ARHGAP44: variants seen among roughly 807,000 people sequenced by gnomAD.
ARHGAP44 encodes Rho GTPase activating protein 44, also known as rho GTPase-activating protein 44.
In ARHGAP44, 43 loss-of-function variants were observed where a neutral mutation model predicts 106.8. The ratio of observed to expected loss-of-function variants is 0.40; its 90% CI spans 0.32 to 0.52. The LOEUF (loss-of-function observed/expected upper bound fraction) is 0.52, where lower values mean the gene tolerates loss of function less well. Ranked by LOEUF, ARHGAP44 falls within the 20% of genes least tolerant of loss-of-function variation. ARHGAP44 has a pLI of 0.48. For missense variants in ARHGAP44, 866 were observed against 1,050.5 expected, an observed-to-expected ratio of 0.82 and a Z score of 2.43; for synonymous variants, 439 against 410.3, an observed-to-expected ratio of 1.07 and a Z score of -0.85.
At chr17:12,971,952 ACC>A (rs1490794762) in intron 16 of ARHGAP44, among the ~76,000 whole-genome samples, 1 of 151,996 alleles carries the variant, frequency 6.6e-6, no homozygotes, top group Non-Finnish European at 1.5e-5. Context: ...CCACCATCCC[ACC>A]TTCTGCAACC....
intron 1 of ARHGAP44, among the ~76,000 whole-genome samples, chr17:12,839,924 A>G (rs1038080151): frequency 2.6e-5 from 4 of 152,218 alleles, no homozygotes; most frequent in African/African-American, 9.6e-5. Context: ...TAAAAAGAGA[A>G]AGAAATAACC....
chr17:12,936,268 T>C (rs906469465), intron 7 of ARHGAP44, among the ~76,000 whole-genome samples: 9 of 152,208 alleles, frequency 5.9e-5, no homozygotes, highest in African/African-American at 2.2e-4. Context: ...CTGGGGGCTT[T>C]GACAAATGTA....
chr17:12,896,352 C>A, intron 2 of ARHGAP44, 55 bp from the exon 3 acceptor site: 1 of 1,465,436 alleles, frequency 6.8e-7, no homozygotes, highest in Non-Finnish European at 9.3e-7. Context: ...CCCACAATCC[C>A]TCCTCCCCTG....
At chr17:12,947,868 A>T (rs1023984865) in intron 10 of ARHGAP44, among the ~76,000 whole-genome samples, 1 of 152,238 alleles carries the variant, frequency 6.6e-6, no homozygotes, top group Non-Finnish European at 1.5e-5. Context: ...CCTCACATAT[A>T]TGCCCAAAGA....
intron 12 of ARHGAP44, among the ~76,000 whole-genome samples, chr17:12,951,257 A>AGTGGGGTGT: frequency 6.6e-6 from 1 of 152,280 alleles, no homozygotes; most frequent in East Asian, 1.9e-4. Context: ...AACCCTATGA[A>AGTGGGGTGT]GTGGGGTGTG....
At chr17:12,802,339 G>A (rs544267297) in intron 1 of ARHGAP44, among the ~76,000 whole-genome samples, 7 of 152,194 alleles carry the variant, frequency 4.6e-5, no homozygotes, top group Admixed American at 6.5e-5. Context: ...GCTGGACAGT[G>A]CGGCCTGGGA....
At chr17:12,816,994 C>T (rs950589307) in intron 1 of ARHGAP44, among the ~76,000 whole-genome samples, 1 of 152,142 alleles carries the variant, frequency 6.6e-6, no homozygotes, top group South Asian at 2.1e-4. Flanking sequence ...GTGAAACATT[C>T]ACCAAGGTTG....
intron 1 of ARHGAP44, among the ~76,000 whole-genome samples, chr17:12,830,664 A>G (rs2035060089): frequency 1.3e-5 from 2 of 152,186 alleles, no homozygotes; most frequent in African/African-American, 4.8e-5. Context: ...CCCCCACTGT[A>G]AAATGAGGGA....
chr17:12,990,030 A>C lies in ARHGAP44; in HGVS notation c.2318-2A>C. 6.3e-7 allele frequency: 1 copy of C among 1,598,444 alleles called. No homozygotes were observed. Among genetic ancestry groups the C allele is most frequent in the Non-Finnish European group, 8.6e-7 (1 of 1,166,732 alleles). ...ACCACCTCTCTCTCTGCCGCCTTCCAGATCTTGTCCACTTTGATATTCCCT... is the reference window on the plus strand; with the variant it reads ...ACCACCTCTCTCTCTGCCGCCTTCCCGATCTTGTCCACTTTGATATTCCCT... On this transcript the variant is annotated splice_acceptor_variant, in intron 20 of 20. Coordinates refer to ENST00000379672, the MANE Select transcript of ARHGAP44 (RefSeq NM_014859.6). LOFTEE classifies it high-confidence loss of function.
At chr17:12,931,710 AG>A (rs2038405889) in intron 7 of ARHGAP44, among the ~76,000 whole-genome samples, 1 of 151,932 alleles carries the variant, frequency 6.6e-6, no homozygotes, top group African/African-American at 2.4e-5. Context: ...CATGTTAGCC[AG>A]GATGGTCTCA....
At chr17:12,837,372 A>G (rs1001067814) in intron 1 of ARHGAP44, among the ~76,000 whole-genome samples, 10 of 152,216 alleles carry the variant, frequency 6.6e-5, no homozygotes, top group Non-Finnish European at 1.5e-5. Context: ...AGAACATCTT[A>G]TGTAACCCAT....
chr17:12,825,778 C>CA (rs2034902768), intron 1 of ARHGAP44, among the ~76,000 whole-genome samples: 1 of 152,030 alleles, frequency 6.6e-6, no homozygotes, highest in Admixed American at 6.6e-5. Flanking sequence ...CAAGTTGACA[C>CA]AAAAAAATTA....
At chr17:12,929,358 G>A (rs2038334946) in intron 7 of ARHGAP44, 1 of 237,640 alleles carries the variant, frequency 4.2e-6, no homozygotes, top group South Asian at 6.7e-5. Context: ...TAAATTCTAG[G>A]TGACACAGGA....
chr17:12,832,070 GCCAATTTAC>G (rs943819029), intron 1 of ARHGAP44, among the ~76,000 whole-genome samples: 1 of 152,142 alleles, frequency 6.6e-6, no homozygotes, highest in African/African-American at 2.4e-5. Context: ...CCCAGAAAGA[GCCAATTTAC>G]CAAGACAGGG....
rs568790733 is a variant in ARHGAP44, at chr17:12,831,122, C to G, written c.53+41231C>G. Among the ~76,000 whole-genome samples, 115 of 152,180 alleles carry G rather than the reference C, an allele frequency of 7.6e-4. 1 individual carries two copies. The highest frequency in any genetic ancestry group is 1.4e-3 in the Non-Finnish European group (95 of 68,042). Reference sequence around the variant, plus strand: ...TGTTTACTATGCTCCAGAACATGGTCCTAAGTTCATGCCATACCTTATCTC... The same window carrying G: ...TGTTTACTATGCTCCAGAACATGGTGCTAAGTTCATGCCATACCTTATCTC... On this transcript the variant is annotated intron_variant, in intron 1 of 20. Transcript: ENST00000379672.
intron 1 of ARHGAP44, among the ~76,000 whole-genome samples, chr17:12,861,910 C>T (rs1167258655): frequency 6.6e-6 from 1 of 152,062 alleles, no homozygotes; most frequent in Non-Finnish European, 1.5e-5. Context: ...GCTGGGATTA[C>T]AGTAGTAAGC....
chr17:12,902,092 A>G (rs1458351350), intron 3 of ARHGAP44, among the ~76,000 whole-genome samples: 1 of 152,162 alleles, frequency 6.6e-6, no homozygotes, highest in African/African-American at 2.4e-5. Context: ...CTCCTGCCTA[A>G]TCCTGCTCCG....
intron 7 of ARHGAP44, among the ~76,000 whole-genome samples, chr17:12,930,656 G>A (rs138124805): frequency 6.6e-6 from 1 of 152,302 alleles, no homozygotes; most frequent in African/African-American, 2.4e-5. Flanking sequence ...GATGCTGGAT[G>A]TGAATATCCA....
chr17:12,889,067 T>G (rs555974426), intron 1 of ARHGAP44, among the ~76,000 whole-genome samples: 1 of 152,356 alleles, frequency 6.6e-6, no homozygotes, highest in South Asian at 2.1e-4. Context: ...TGGTTACATT[T>G]AATGTAATTA....
Sources: allele counts gnomAD v4.1 joint callset (sites outside exome capture counted in the v4.1 genomes callset), GRCh38; gene constraint gnomAD v4.1.1; transcripts MANE v1.5; gene names NCBI Gene and HGNC (gene_info 2026-07-23, HGNC 2026-07-21).